Variants in ARID1B observed in about 807,000 individuals in gnomAD.
ARID1B encodes AT-rich interactive domain-containing protein 1B.
In ARID1B, 30 loss-of-function variants were observed where a neutral mutation model predicts 212.3. The ratio of observed to expected loss-of-function variants is 0.14; its 90% CI spans 0.11 to 0.19. The LOEUF (loss-of-function observed/expected upper bound fraction) is 0.19, where lower values mean the gene tolerates loss of function less well. ARID1B is among the 10% of genes least tolerant of loss of function. The pLI is 1.00. For synonymous variants in ARID1B, 1,402 were observed against 1,301.7 expected (o/e 1.08, Z -1.66); for missense variants, 2,891 against 3,204.0 (o/e 0.90, Z 2.36).
chr6:156,959,096 A>G (rs1274358684), intron 4 of ARID1B, among the ~76,000 whole-genome samples: 1 of 152,204 alleles, frequency 6.6e-6, no homozygotes, highest in Non-Finnish European at 1.5e-5. Context: ...TGAAATGCAA[A>G]ATGAAATGTT....
At chr6:156,891,698 A>G (rs1338388918) in intron 2 of ARID1B, among the ~76,000 whole-genome samples, 3 of 152,006 alleles carry the variant, frequency 2.0e-5, no homozygotes, top group Admixed American at 6.6e-5. Flanking sequence ...TAATGGCTCT[A>G]TAGTATTTTA....
intron 4 of ARID1B, among the ~76,000 whole-genome samples, chr6:156,993,649 C>T (rs1039574518): frequency 6.6e-6 from 1 of 152,102 alleles, no homozygotes; most frequent in African/African-American, 2.4e-5. Flanking sequence ...TGCCAAACAA[C>T]AATCCCAACT....
intron 1 of ARID1B, among the ~76,000 whole-genome samples, chr6:156,790,523 A>C (rs1302045233): frequency 6.6e-6 from 1 of 152,232 alleles, no homozygotes; most frequent in East Asian, 1.9e-4. Context: ...GACAATTTCC[A>C]AATTGGTAAA....
chr6:156,999,405 CA>C (rs1238971147), intron 4 of ARID1B, among the ~76,000 whole-genome samples: 1 of 152,190 alleles, frequency 6.6e-6, no homozygotes, highest in Non-Finnish European at 1.5e-5. Context: ...AATGGCTCTT[CA>C]AAAGGTTAGA....
intron 4 of ARID1B, among the ~76,000 whole-genome samples, chr6:157,001,432 G>A (rs1397653073): frequency 6.6e-6 from 1 of 152,148 alleles, no homozygotes; most frequent in African/African-American, 2.4e-5. Flanking sequence ...TGCAGATGAC[G>A]TGAGGTTCTG....
chr6:156,861,086 T>G (rs1785300626), intron 2 of ARID1B, among the ~76,000 whole-genome samples: 2 of 152,296 alleles, frequency 1.3e-5, no homozygotes, highest in South Asian at 4.2e-4. Flanking sequence ...GGAGAGGTAC[T>G]GGTTGTATGA....
At chr6:156,780,419 T>G (rs1048548903) in intron 1 of ARID1B, 1 of 152,390 alleles carries the variant, frequency 6.6e-6, no homozygotes, top group African/African-American at 2.4e-5. Flanking sequence ...GCACTCTTGC[T>G]GTTTCTTGCT....
rs1163995525 is a variant in ARID1B, at chr6:156,897,264, C to CTTATTATTATTATTATTATTATTA, written c.1987-4109_1987-4086dup. 8.2e-3 allele frequency among the ~76,000 whole-genome samples: 685 copies of CTTATTATTATTATTATTATTATTA among 83,522 alleles called. 11 individuals are homozygous for CTTATTATTATTATTATTATTATTA. The highest frequency in any genetic ancestry group is 0.013 in the Non-Finnish European group (523 of 41,586). 54.8% of individuals were successfully genotyped at this position (83,522 alleles called of 152,430 possible). On this transcript the variant is annotated intron_variant, in intron 2 of 19. Coordinates refer to ENST00000636930, the MANE Select transcript of ARID1B (RefSeq NM_001374828.1). Reference sequence around the variant, plus strand: ...TCTTCTTCTTCTTCTTCTTCTTCTTCTTATTATTATTATTATTATTATTAT... The same window carrying CTTATTATTATTATTATTATTATTA: ...TCTTCTTCTTCTTCTTCTTCTTCTTCTTATTATTATTATTATTATTATTATTATTATTATTATTATTATTATTAT...
At chr6:157,135,592 G>A (rs368222381) in intron 7 of ARID1B, among the ~76,000 whole-genome samples, 18 of 152,282 alleles carry the variant, frequency 1.2e-4, no homozygotes, top group East Asian at 3.9e-4. Context: ...AGCTCGGAGC[G>A]CTGTGTGCTG....
intron 4 of ARID1B, among the ~76,000 whole-genome samples, chr6:157,073,172 G>A (rs1346793272): frequency 3.4e-5 from 5 of 145,694 alleles, no homozygotes; most frequent in African/African-American, 7.7e-5. Flanking sequence ...GTACAATCTC[G>A]GCTCACTGCA....
chr6:156,934,912 TTATATATATA>T (rs201495355), intron 3 of ARID1B, among the ~76,000 whole-genome samples: 797 of 52,468 alleles, frequency 0.015, 5 homozygotes, highest in South Asian at 0.022. Flanking sequence ...TAGTTGTTAA[TTATATATATA>T]TATATATATA....
At chr6:156,972,451 A>G (rs1161571347) in intron 4 of ARID1B, among the ~76,000 whole-genome samples, 1 of 152,180 alleles carries the variant, frequency 6.6e-6, no homozygotes, top group Non-Finnish European at 1.5e-5. Context: ...GTAAAATTGC[A>G]CAGATCTACT....
At chr6:156,897,775 T>C (rs1351229531) in intron 2 of ARID1B, among the ~76,000 whole-genome samples, 1 of 152,164 alleles carries the variant, frequency 6.6e-6, no homozygotes, top group Non-Finnish European at 1.5e-5. Context: ...CTGCTGTTAG[T>C]GTACCATTCA....
intron 2 of ARID1B, among the ~76,000 whole-genome samples, chr6:156,836,591 G>T (rs1783528991): frequency 6.6e-6 from 1 of 152,148 alleles, no homozygotes; most frequent in Non-Finnish European, 1.5e-5. Flanking sequence ...GAGGGGGTTG[G>T]ACTATAAGAC....
At chr6:157,141,435 G>A (rs1051875000) in intron 7 of ARID1B, among the ~76,000 whole-genome samples, 3 of 152,148 alleles carry the variant, frequency 2.0e-5, no homozygotes, top group Non-Finnish European at 4.4e-5. Flanking sequence ...GGTACCTTAT[G>A]TATAGTTCAG....
intron 6 of ARID1B, among the ~76,000 whole-genome samples, chr6:157,120,819 G>A (rs1374393743): frequency 3.3e-5 from 5 of 152,290 alleles, no homozygotes; most frequent in East Asian, 3.9e-4. Flanking sequence ...TGCCTTGGAC[G>A]TCTTGTTGGT....
chr6:157,159,683 C>T (rs1252423340), intron 8 of ARID1B, among the ~76,000 whole-genome samples: 2 of 152,212 alleles, frequency 1.3e-5, no homozygotes, highest in Non-Finnish European at 2.9e-5. Context: ...AGAAGAGCTT[C>T]ACCAAGATGC....
At chr6:157,099,505 C>T (rs1455549755) in intron 5 of ARID1B, among the ~76,000 whole-genome samples, 3 of 151,968 alleles carry the variant, frequency 2.0e-5, no homozygotes, top group African/African-American at 4.8e-5. Context: ...AGGACCCATG[C>T]GAAAAACATT....
chr6:157,202,484 G>A (rs1029987525), intron 18 of ARID1B, among the ~76,000 whole-genome samples: 13 of 151,996 alleles, frequency 8.6e-5, no homozygotes, highest in Admixed American at 5.9e-4. Context: ...TCAGGAATTC[G>A]AGACCACCCT....
Sources: gnomAD v4.1 joint callset for allele counts (sites outside exome capture counted in the v4.1 genomes callset) on GRCh38, gnomAD v4.1.1 for gene constraint, MANE v1.5 for transcripts, NCBI Gene and HGNC (gene_info 2026-07-23, HGNC 2026-07-21) for gene names.